CLEC17A: variants seen among roughly 807,000 people sequenced by gnomAD.
CLEC17A encodes the protein C-type lectin domain family 17, member A.
A neutral mutation model predicts 61.3 loss-of-function variants in CLEC17A; 37 were observed. That is an observed-to-expected ratio of 0.60 (90% CI 0.46 to 0.79). The LOEUF is 0.79. Among genes scored for constraint, CLEC17A ranks in the 30% least tolerant of loss-of-function variants. CLEC17A has a pLI of 0.00. For synonymous variants in CLEC17A, 168 were observed against 164.9 expected, an observed-to-expected ratio of 1.02 and a Z score of -0.14; for missense variants, 418 against 464.7, an observed-to-expected ratio of 0.90 and a Z score of 0.92.
chr19:14,611,303 G>A lies in CLEC17A; in HGVS notation c.*1107G>A, dbSNP rs561868146. On this transcript the variant is annotated 3_prime_UTR_variant, in exon 14 of 14. Coordinates refer to ENST00000417570, the MANE Select transcript of CLEC17A (RefSeq NM_001204118.2). ...CAGCAACTTTCTCAATGTCTTGGGT[G>A]AGGTTTGCACAAGCTAAGTGGCAGA... The A allele has an allele frequency of 6.6e-6, 1 of 150,958 alleles. No individual in the cohort carries two copies. The highest frequency in any genetic ancestry group is 1.9e-4 in the East Asian group (1 of 5,130). The allele number at this position is 150,958 out of a possible 1,614,324, so 9.4% of individuals were successfully genotyped here. A position where few individuals can be genotyped will look rare whatever the true frequency, so the allele number is the denominator to read the frequency against.
chr19:14,587,838 G>A, intron 3 of CLEC17A, 147 bp downstream of exon 3: 3 of 1,501,580 alleles, frequency 2.0e-6, no homozygotes, highest in Non-Finnish European at 2.7e-6. Flanking sequence ...TGCCCAGGAG[G>A]ACCTGTCAGT....
At chr19:14,588,003 A>G (rs923602057) in intron 3 of CLEC17A, among the ~76,000 whole-genome samples, 3 of 152,108 alleles carry the variant, frequency 2.0e-5, no homozygotes, top group Non-Finnish European at 4.4e-5. Context: ...TCTTAAGAAG[A>G]GAAGTCCAGG....
chr19:14,583,735 A>T (rs982862107), intron 2 of CLEC17A, among the ~76,000 whole-genome samples: 7 of 152,254 alleles, frequency 4.6e-5, no homozygotes, highest in South Asian at 4.1e-4. Context: ...GAGTAGACAT[A>T]TCTTAAGAAG....
At chr19:14,608,505 C>T (rs1267262098) in intron 13 of CLEC17A, among the ~76,000 whole-genome samples, 3 of 152,084 alleles carry the variant, frequency 2.0e-5, no homozygotes, top group East Asian at 3.9e-4. Flanking sequence ...GCTGTCTGGA[C>T]CCTGAACCTT....
In CLEC17A at chr19:14,611,465, C is replaced by T. The variant is rs2075038327; in HGVS notation, c.*1269C>T. ...CAATCATAGCTTACTGCACCCTCTGCCTCCTGGGCTCGAGTGATCCTCCTG... is the reference window on the plus strand; with the variant it reads ...CAATCATAGCTTACTGCACCCTCTGTCTCCTGGGCTCGAGTGATCCTCCTG... On this transcript the variant is annotated 3_prime_UTR_variant, in exon 14 of 14. Coordinates refer to ENST00000417570, the MANE Select transcript of CLEC17A (RefSeq NM_001204118.2). Among the ~76,000 whole-genome samples the T allele has an allele frequency of 6.7e-6, 1 of 149,974 alleles. No homozygotes were observed. The highest frequency in any genetic ancestry group is 2.5e-5 in the African/African-American group (1 of 40,548).
chr19:14,584,549 C>G (rs1432209888), intron 2 of CLEC17A, among the ~76,000 whole-genome samples: 1 of 152,058 alleles, frequency 6.6e-6, no homozygotes, highest in Admixed American at 6.6e-5. Context: ...AGACAGGAGC[C>G]ATTCTGTGAG....
chr19:14,587,724 A>G (rs946376346), intron 3 of CLEC17A, 33 bp downstream of exon 3: 9 of 1,610,064 alleles, frequency 5.6e-6, no homozygotes, highest in African/African-American at 2.7e-5. Context: ...GACCTGGGGG[A>G]ATACAGGGAA....
chr19:14,587,461 G>A (rs2074313358), intron 2 of CLEC17A, among the ~76,000 whole-genome samples, 153 bp from the exon 3 acceptor site: 1 of 152,140 alleles, frequency 6.6e-6, no homozygotes, highest in Non-Finnish European at 1.5e-5. Context: ...GACCCACCAG[G>A]TAAGGCCCTG....
Position 14,588,166 on chromosome 19 carries a change from C to G in CLEC17A, c.199+475C>G, listed in dbSNP as rs1018785973. On this transcript the variant is annotated intron_variant, in intron 3 of 13. Coordinates refer to ENST00000417570, the MANE Select transcript of CLEC17A (RefSeq NM_001204118.2). ...CAAACCCAAGGCATGGTACAGGGTC[C>G]AACAGGAGACTGATAAGTGGTTGTT... is the stretch of plus-strand genomic sequence containing the variant. 1.3e-5 allele frequency among the ~76,000 whole-genome samples: 2 copies of G among 151,758 alleles called. 1 individual carries two copies.
At chr19:14,595,985 G>A (rs200969563) in intron 8 of CLEC17A, among the ~76,000 whole-genome samples, 1 of 232 alleles carries the variant, frequency 4.3e-3, no homozygotes, top group African/African-American at 0.028. Context: ...GTTGTTGGTA[G>A]AGATGATGGT....
intron 12 of CLEC17A, among the ~76,000 whole-genome samples, chr19:14,602,407 A>C (rs1053467231): frequency 9.2e-5 from 14 of 151,998 alleles, no homozygotes; most frequent in Non-Finnish European, 1.9e-4. Context: ...ATCCCACCTC[A>C]GCTCCCCACC....
intron 13 of CLEC17A, 142 bp downstream of exon 13, chr19:14,607,244 G>T: frequency 3.3e-6 from 1 of 298,868 alleles, no homozygotes; most frequent in Non-Finnish European, 6.0e-6. Flanking sequence ...TTGCTCTGTC[G>T]CCCAGGCTGG....
chr19:14,583,146 T>C lies in CLEC17A; in HGVS notation c.-15T>C. On this transcript the variant is annotated 5_prime_UTR_variant, in exon 1 of 14. Coordinates refer to ENST00000417570, the MANE Select transcript of CLEC17A (RefSeq NM_001204118.2). Reference sequence around the variant, plus strand: ...CAAGCCCTGGCTGCCACTTGTCAGGTTCCCTGTGCTAGACATGCATAATCT... The same window carrying C: ...CAAGCCCTGGCTGCCACTTGTCAGGCTCCCTGTGCTAGACATGCATAATCT... 6.2e-7 allele frequency: 1 copy of C among 1,613,948 alleles called. No individual in the cohort carries two copies. The highest frequency in any genetic ancestry group is 8.5e-7 in the Non-Finnish European group (1 of 1,179,870).
At chr19:14,597,075 C>T (rs780996369) in intron 9 of CLEC17A, 24 bp from the exon 10 acceptor site, 1 of 1,612,364 alleles carries the variant, frequency 6.2e-7, no homozygotes, top group African/African-American at 1.3e-5. Context: ...AGGACCTGGG[C>T]TCAATTTGGA....
intron 11 of CLEC17A, 43 bp from the exon 12 acceptor site, chr19:14,599,988 C>G (rs775798413): frequency 1.9e-6 from 3 of 1,606,606 alleles, no homozygotes; most frequent in Non-Finnish European, 2.6e-6. Flanking sequence ...GTACATGGCT[C>G]AGGTTCTGGG....
chr19:14,601,083 A>G (rs10404775), intron 12 of CLEC17A, among the ~76,000 whole-genome samples: 66,083 of 151,022 alleles, frequency 0.44, 14,948 homozygotes, highest in African/African-American at 0.55. Context: ...TTGTATTATT[A>G]GTAGAGATGA....
rs1174758319 is a variant in CLEC17A at position 14,587,630 on chromosome 19, G to A, written c.138G>A (p.Glu46=). The change falls in exon 3 of 14, where the codon GAG becomes GAA. Residue 46 remains glutamate (E), a synonymous_variant. Transcript: ENST00000417570. ...CCCTGGAAGGGACCATGGAGGAGGA[G>A]GAGGAGGATGATGACTATGAGAACT... ...LPPKPGTMEE[E]EEDDDYENST... The A allele has an allele frequency of 6.3e-7, 1 of 1,598,844 alleles. No individual in the cohort carries two copies. Among genetic ancestry groups the A allele is most frequent in the Non-Finnish European group, 8.5e-7 (1 of 1,172,848 alleles).
chr19:14,594,408 G>A (rs1323040799), intron 4 of CLEC17A, 109 bp from the exon 5 acceptor site: 10 of 1,415,340 alleles, frequency 7.1e-6, no homozygotes, highest in Non-Finnish European at 9.7e-6. Context: ...AACCCCGTCT[G>A]TAACCTAATC....
chr19:14,589,268 A>T (rs2074359916), intron 3 of CLEC17A, among the ~76,000 whole-genome samples: 1 of 127,034 alleles, frequency 7.9e-6, no homozygotes, highest in African/African-American at 4.4e-5. Flanking sequence ...TCCAAACCTC[A>T]CCTCATCTTC....
Sources: allele counts gnomAD v4.1 joint callset (sites outside exome capture counted in the v4.1 genomes callset), GRCh38; gene constraint gnomAD v4.1.1; transcripts MANE v1.5; gene names NCBI Gene and HGNC (gene_info 2026-07-23, HGNC 2026-07-21).